The following C1QTNF7 variants were observed in gnomAD, a reference collection of about 807,000 sequenced individuals.
C1QTNF7 encodes C1q and TNF related 7, also known as complement C1q tumor necrosis factor-related protein 7.
In C1QTNF7, 15 loss-of-function variants were observed where a neutral mutation model predicts 19.6. The ratio of observed to expected loss-of-function variants is 0.76; its 90% confidence interval spans 0.51 to 1.18. The LOEUF is 1.18. Among genes scored for constraint, C1QTNF7 ranks in the 50% most tolerant of loss-of-function variants. The pLI is 0.00. For missense variants in C1QTNF7, 324 were observed against 359.7 expected (o/e 0.90, Z 0.80); for synonymous variants, 142 against 137.5 (o/e 1.03, Z -0.23).
intron 1 of C1QTNF7, among the ~76,000 whole-genome samples, chr4:15,381,199 C>T (rs941286262): frequency 2.0e-5 from 3 of 152,028 alleles, no homozygotes; most frequent in South Asian, 2.1e-4. Context: ...AGGTGGATCA[C>T]GAGGTCAGAA....
chr4:15,422,201 GTTTT>G (rs577106584), intron 1 of C1QTNF7, among the ~76,000 whole-genome samples: 3 of 105,708 alleles, frequency 2.8e-5, no homozygotes, highest in Non-Finnish European at 5.7e-5. Context: ...TAATAAACCT[GTTTT>G]TTTTTAAAAA....
intron 1 of C1QTNF7, among the ~76,000 whole-genome samples, chr4:15,351,879 A>G (rs933739142): frequency 2.6e-5 from 4 of 151,934 alleles, no homozygotes; most frequent in African/African-American, 4.8e-5. Context: ...GGGGCTAGGG[A>G]GAGTCTACAC....
chr4:15,442,923 G>C lies in C1QTNF7; in HGVS notation c.*124G>C. ...TCTAAAGCATTTAAAGACAATTCTAGCAGAATTTATCAAAACAAGATGAAA... is the reference window on the plus strand; with the variant it reads ...TCTAAAGCATTTAAAGACAATTCTACCAGAATTTATCAAAACAAGATGAAA... On this transcript the variant is annotated 3_prime_UTR_variant, in exon 3 of 3. Coordinates refer to ENST00000444304, the MANE Select transcript of C1QTNF7 (RefSeq NM_031911.5). 6 of 1,016,240 alleles carry C rather than the reference G, an allele frequency of 5.9e-6. No individual in the cohort carries two copies. The highest frequency in any genetic ancestry group is 6.9e-6 in the Non-Finnish European group (5 of 723,352). 63.0% of individuals were successfully genotyped at this position (1,016,240 alleles called of 1,614,324 possible).
chr4:15,408,391 A>C (rs1719277940), intron 1 of C1QTNF7, among the ~76,000 whole-genome samples: 1 of 151,968 alleles, frequency 6.6e-6, no homozygotes, highest in African/African-American at 2.4e-5. Flanking sequence ...TAACTCAATA[A>C]GGTCAAGTTT....
chr4:15,410,797 T>C (rs935994496), intron 1 of C1QTNF7, among the ~76,000 whole-genome samples: 1 of 152,218 alleles, frequency 6.6e-6, no homozygotes, highest in Non-Finnish European at 1.5e-5. Flanking sequence ...TTTTCAGAAC[T>C]ATTAGGGGAA....
intron 1 of C1QTNF7, among the ~76,000 whole-genome samples, chr4:15,416,800 G>A (rs1027632552): frequency 2.0e-5 from 3 of 152,156 alleles, no homozygotes; most frequent in East Asian, 1.9e-4. Context: ...AACTGTGGCC[G>A]CAGCACAGCA....
rs747134780 is a variant in C1QTNF7, at chr4:15,435,931, G to C, written c.188G>C (p.Arg63Thr). 6.2e-7 allele frequency: 1 copy of C among 1,614,116 alleles called. No individual in the cohort carries two copies. Among genetic ancestry groups the C allele is most frequent in the South Asian group, 1.1e-5 (1 of 91,078 alleles). The change falls in exon 2 of 3, where the codon AGA becomes ACA. Residue 63 changes from arginine (R) to threonine (T), a missense_variant. Physicochemically the swap from Arg to Thr is moderately conservative, Grantham distance 71 (BLOSUM62 -1). Transcript: ENST00000444304. Reference protein sequence around the residue: ...GPHGRIGLPGRDGRDGRKGEK... With the variant: ...GPHGRIGLPGTDGRDGRKGEK... ...CATGGTCGCATCGGCCTTCCAGGAAGAGATGGTAGAGACGGCAGGAAAGGA... is the reference window on the plus strand; with the variant it reads ...CATGGTCGCATCGGCCTTCCAGGAACAGATGGTAGAGACGGCAGGAAAGGA...
chr4:15,403,957 T>C (rs1167505916), intron 1 of C1QTNF7, among the ~76,000 whole-genome samples: 1 of 152,216 alleles, frequency 6.6e-6, no homozygotes, highest in Non-Finnish European at 1.5e-5. Flanking sequence ...CGATATATTT[T>C]AGTTCAGTAT....
Position 15,356,044 on chromosome 4 carries a change from C to T in C1QTNF7, c.13+15837C>T, listed in dbSNP as rs926685249. Among the ~76,000 whole-genome samples the T allele has an allele frequency of 2.0e-5, 3 of 151,744 alleles. 1 individual carries two copies. The highest frequency in any genetic ancestry group is 1.5e-5 in the Non-Finnish European group (1 of 67,936). On this transcript the variant is annotated intron_variant, in intron 1 of 2. Transcript: ENST00000295297. ...TAGAGACAGGGTCTTACCAAGTTGC[C>T]CAGGCTTGGTAATGGTTTTTTGTTT...
chr4:15,374,794 T>A, intron 1 of C1QTNF7: 3 of 924,824 alleles, frequency 3.2e-6, no homozygotes, highest in Non-Finnish European at 3.7e-6. Context: ...CTCTCTCCAT[T>A]GATAAACGTC....
chr4:15,425,879 C>A (rs1407707657), upstream of C1QTNF7, among the ~76,000 whole-genome samples: 1 of 151,946 alleles, frequency 6.6e-6, no homozygotes, highest in African/African-American at 2.4e-5. Context: ...TAGTGGTGAG[C>A]AGAGCTGGCT....
chr4:15,444,148 A>C lies in C1QTNF7; in HGVS notation c.*1349A>C, dbSNP rs1457128297. On this transcript the variant is annotated 3_prime_UTR_variant, in exon 3 of 3. Coordinates refer to ENST00000444304, the MANE Select transcript of C1QTNF7 (RefSeq NM_031911.5). ...TATCCCTCCCTTTTGGTAACTTCCA[A>C]TCCTCCTTCTATGTATTCCTTTCTC... 1 of 151,776 alleles carries C rather than the reference A, an allele frequency of 6.6e-6. No homozygotes were observed. Among genetic ancestry groups the C allele is most frequent in the East Asian group, 1.9e-4 (1 of 5,186 alleles). The allele number at this position is 151,776 out of a possible 1,614,324, so 9.4% of individuals were successfully genotyped here. A position where few individuals can be genotyped will look rare whatever the true frequency, so the allele number is the denominator to read the frequency against.
At chr4:15,374,809 G>A (rs1386977356) in intron 1 of C1QTNF7, 1 of 970,798 alleles carries the variant, frequency 1.0e-6, no homozygotes, top group Non-Finnish European at 1.2e-6. Context: ...AACGTCTTCA[G>A]GCTTTTTTTC....
chr4:15,367,310 C>T (rs1717561563), intron 1 of C1QTNF7, among the ~76,000 whole-genome samples: 1 of 152,206 alleles, frequency 6.6e-6, no homozygotes, highest in Non-Finnish European at 1.5e-5. Flanking sequence ...AAAGAATTAA[C>T]TCCACTTAGG....
chr4:15,431,052 TGATAGATAGATAGATAGATAGATA>T (rs33924061), intron 1 of C1QTNF7, among the ~76,000 whole-genome samples: 1 of 144,918 alleles, frequency 6.9e-6, no homozygotes, highest in Non-Finnish European at 1.5e-5. Context: ...GATAGATAGA[TGATAGATAGATAGATAGATAGATA>T]GATAGATAGA....
chr4:15,405,952 C>T (rs13114788), intron 1 of C1QTNF7, among the ~76,000 whole-genome samples: 38,592 of 152,028 alleles, frequency 0.25, 5,914 homozygotes, highest in East Asian at 0.37. Context: ...GCTTGTCCCC[C>T]CCAGACTCAC....
intron 1 of C1QTNF7, among the ~76,000 whole-genome samples, chr4:15,355,717 G>A (rs1409351120): frequency 6.6e-6 from 1 of 152,188 alleles, no homozygotes. Flanking sequence ...TGCCATGCAA[G>A]GCATTAACCC....
intron 1 of C1QTNF7, among the ~76,000 whole-genome samples, chr4:15,404,690 C>T (rs34352292): frequency 1.3e-5 from 2 of 151,970 alleles, no homozygotes; most frequent in African/African-American, 2.4e-5. Flanking sequence ...ATAGTCAGAG[C>T]AGGTTGACTG....
intron 1 of C1QTNF7, among the ~76,000 whole-genome samples, chr4:15,380,383 CA>C (rs11320066): frequency 0.48 from 72,932 of 151,964 alleles, 19,119 homozygotes; most frequent in African/African-American, 0.69. Context: ...TATTCCTTCT[CA>C]CTAATGCTAG....
Sources: allele counts gnomAD v4.1 joint callset (sites outside exome capture counted in the v4.1 genomes callset), GRCh38; gene constraint gnomAD v4.1.1; transcripts MANE v1.5; gene names NCBI Gene and HGNC (gene_info 2026-07-23, HGNC 2026-07-21).